GRIK4: variants seen among roughly 807,000 people sequenced by gnomAD.
GRIK4 encodes glutamate receptor ionotropic, kainate 4.
GRIK4 carries 40 observed loss-of-function variants against 104.9 expected under a neutral mutation model. The observed-to-expected ratio is 0.38, with a 90% CI of 0.30 to 0.50. GRIK4 has a LOEUF of 0.50. Ranked by LOEUF, GRIK4 falls within the 20% of genes least tolerant of loss-of-function variation. GRIK4 has a pLI of 0.93. For missense variants in GRIK4, 1,047 were observed against 1,308.1 expected (o/e 0.80, Z 3.08); for synonymous variants, 485 against 524.9 (o/e 0.92, Z 1.04).
intron 1 of GRIK4, among the ~76,000 whole-genome samples, chr11:120,631,759 C>T (rs1949336125): frequency 1.3e-5 from 2 of 152,180 alleles, no homozygotes; most frequent in Admixed American, 1.3e-4. Flanking sequence ...TCCAATTATG[C>T]TGAAAACCCT....
intron 1 of GRIK4, among the ~76,000 whole-genome samples, chr11:120,618,980 G>T (rs1305773105): frequency 6.6e-6 from 1 of 152,142 alleles, no homozygotes; most frequent in Non-Finnish European, 1.5e-5. Flanking sequence ...GTGAGAAGAG[G>T]GTCACCATCC....
chr11:120,692,184 C>T (rs1356457379), intron 3 of GRIK4, among the ~76,000 whole-genome samples: 1 of 152,188 alleles, frequency 6.6e-6, no homozygotes, highest in Non-Finnish European at 1.5e-5. Flanking sequence ...GGTAGGAAGA[C>T]ATCTGTCTCT....
chr11:120,973,161 T>C (rs1944503933), intron 19 of GRIK4, among the ~76,000 whole-genome samples: 1 of 151,984 alleles, frequency 6.6e-6, no homozygotes, highest in African/African-American at 2.4e-5. Context: ...AAGTTGGAGG[T>C]GGAATAGAAA....
At chr11:120,884,600 C>G (rs1002407982) in intron 11 of GRIK4, among the ~76,000 whole-genome samples, 1 of 152,216 alleles carries the variant, frequency 6.6e-6, no homozygotes, top group African/African-American at 2.4e-5. Flanking sequence ...TTTCCACTCT[C>G]TAATGTGGCA....
At chr11:120,817,515 A>G (rs575585702) in intron 5 of GRIK4, among the ~76,000 whole-genome samples, 1 of 150,924 alleles carries the variant, frequency 6.6e-6, no homozygotes, top group South Asian at 2.1e-4. Flanking sequence ...TGGAGTTCTC[A>G]CCCAGGAGTC....
chr11:120,942,181 A>C (rs1943741416), intron 14 of GRIK4, among the ~76,000 whole-genome samples: 1 of 152,198 alleles, frequency 6.6e-6, no homozygotes, highest in Non-Finnish European at 1.5e-5. Context: ...GAAAGGGGGC[A>C]GGTATGATAA....
At chr11:120,547,418 A>G (rs1244438202) in intron 1 of GRIK4, among the ~76,000 whole-genome samples, 1 of 152,174 alleles carries the variant, frequency 6.6e-6, no homozygotes, top group Admixed American at 6.5e-5. Context: ...TAGCGTGGTG[A>G]GATGGAGCTG....
chr11:120,857,253 G>T (rs566846810), intron 8 of GRIK4, among the ~76,000 whole-genome samples: 41 of 152,290 alleles, frequency 2.7e-4, no homozygotes, highest in Admixed American at 9.1e-4. Context: ...GACCCATAAA[G>T]CTTCCTGCAG....
At chr11:120,931,554 C>T (rs538274495) in intron 13 of GRIK4, among the ~76,000 whole-genome samples, 5 of 152,308 alleles carry the variant, frequency 3.3e-5, no homozygotes, top group African/African-American at 1.2e-4. Flanking sequence ...AGCCAAATTA[C>T]GTGGGTTTGA....
At chr11:120,770,202 T>C (rs1565342042) in intron 3 of GRIK4, among the ~76,000 whole-genome samples, 1 of 152,236 alleles carries the variant, frequency 6.6e-6, no homozygotes, top group Non-Finnish European at 1.5e-5. Context: ...AGTCAAGGCA[T>C]GGCATACAAA....
chr11:120,904,018 C>T (rs1046811196), intron 12 of GRIK4, among the ~76,000 whole-genome samples: 4 of 152,204 alleles, frequency 2.6e-5, no homozygotes, highest in African/African-American at 9.7e-5. Flanking sequence ...TTCCTGGCTG[C>T]TTCTGTGTTG....
chr11:120,838,064 G>A (rs1953621660), intron 8 of GRIK4, among the ~76,000 whole-genome samples: 1 of 152,204 alleles, frequency 6.6e-6, no homozygotes, highest in Non-Finnish European at 1.5e-5. Context: ...ACCGGAATGA[G>A]GTGGAGTTGC....
intron 1 of GRIK4, among the ~76,000 whole-genome samples, chr11:120,652,606 T>G (rs1591770508): frequency 4.6e-5 from 1 of 21,604 alleles, no homozygotes; most frequent in South Asian, 1.4e-3. Flanking sequence ...TTCACATCCA[T>G]TTTTTTTTTT....
intron 13 of GRIK4, among the ~76,000 whole-genome samples, chr11:120,923,549 A>G (rs972560186): frequency 6.6e-5 from 10 of 151,086 alleles, no homozygotes; most frequent in African/African-American, 2.4e-4. Context: ...AGTAGCTGGG[A>G]CTACAGGCAC....
In GRIK4 at chr11:120,727,176, A is replaced by C. The variant is rs367571883; in HGVS notation, c.82+66776A>C. On this transcript the variant is annotated intron_variant, in intron 3 of 20. Coordinates refer to ENST00000527524, the MANE Select transcript of GRIK4 (RefSeq NM_014619.5). ...AGTAGTAGGTATGTGCAACAAGTCC[A>C]CCAGATGGAACAAAGGGGCGAGAGC... Among the ~76,000 whole-genome samples, 22 of 152,316 alleles carry C rather than the reference A, an allele frequency of 1.4e-4. 1 individual carries two copies. The South Asian group carries it at 4.4e-3, about 30-fold the overall frequency.
rs543570245 is a variant in GRIK4, at chr11:120,825,618, T to C, written c.511+5698T>C. 2.0e-5 allele frequency among the ~76,000 whole-genome samples: 3 copies of C among 152,254 alleles called. No homozygotes were observed. The East Asian group carries it at 5.8e-4, about 29-fold the overall frequency. On this transcript the variant is annotated intron_variant, in intron 6 of 20. Coordinates refer to ENST00000527524, the MANE Select transcript of GRIK4 (RefSeq NM_014619.5). ...GGAGCAGACTTGGATCTCGAGGCAG[T>C]CCCTGCCCTTGGGGAGGATGTGCTG... is the stretch of plus-strand genomic sequence containing the variant.
chr11:120,609,204 C>A (rs34759019), intron 1 of GRIK4, among the ~76,000 whole-genome samples: 64,059 of 151,860 alleles, frequency 0.42, 13,756 homozygotes, highest in Admixed American at 0.5. Context: ...CCCAGCCCCT[C>A]CCACCTCGGG....
Position 120,701,825 on chromosome 11 carries a change from G to A in GRIK4, c.82+41425G>A, listed in dbSNP as rs11217976. Among the ~76,000 whole-genome samples the A allele has an allele frequency of 6.2e-3, 944 of 152,212 alleles. 7 individuals are homozygous for A. Among genetic ancestry groups the A allele is most frequent in the Non-Finnish European group, 8.7e-3 (594 of 68,020 alleles). On this transcript the variant is annotated intron_variant, in intron 3 of 20. Coordinates refer to ENST00000527524, the MANE Select transcript of GRIK4 (RefSeq NM_014619.5). ...AGGTTGCTGGCTTGTCCAGGATGCA[G>A]CAGTAAAGGTGGTAAGAAAGGTTGG...
At chr11:120,628,333 C>T (rs1228984938) in intron 1 of GRIK4, among the ~76,000 whole-genome samples, 1 of 152,198 alleles carries the variant, frequency 6.6e-6, no homozygotes, top group Non-Finnish European at 1.5e-5. Context: ...ATATCTTTAG[C>T]CATGGTCCCA....
Sources: gnomAD v4.1 joint callset for allele counts (sites outside exome capture counted in the v4.1 genomes callset) on GRCh38, gnomAD v4.1.1 for gene constraint, MANE v1.5 for transcripts, NCBI Gene and HGNC (gene_info 2026-07-23, HGNC 2026-07-21) for gene names.